COL19A1: variants seen among roughly 807,000 people sequenced by gnomAD.
COL19A1 encodes collagen alpha-1(XIX) chain.
COL19A1 carries 159 observed loss-of-function variants against 190.2 expected under a neutral mutation model. The ratio of observed to expected loss-of-function variants is 0.84; its 90% CI spans 0.73 to 0.95. The LOEUF is 0.95. Among genes scored for constraint, COL19A1 ranks in the 40% least tolerant of loss-of-function variants. The probability of loss-of-function intolerance (pLI) is 0.00; values close to 1 mark genes in which losing one functional copy is unlikely to be tolerated. For missense variants in COL19A1, 1,418 were observed against 1,431.9 expected (o/e 0.99, Z 0.16); for synonymous variants, 509 against 458.9 (o/e 1.11, Z -1.39).
chr6:70,184,394 T>G (rs554536589), intron 44 of COL19A1, among the ~76,000 whole-genome samples: 3 of 152,244 alleles, frequency 2.0e-5, no homozygotes, highest in Admixed American at 6.5e-5. Flanking sequence ...TAGAGGACCA[T>G]GCATTTTTCA....
chr6:70,018,618 A>T (rs1165908600), intron 11 of COL19A1, among the ~76,000 whole-genome samples: 1 of 152,146 alleles, frequency 6.6e-6, no homozygotes, highest in African/African-American at 2.4e-5. Flanking sequence ...ACAAGGTCCG[A>T]GACAATGACT....
chr6:70,026,079 A>G (rs1311391212), intron 12 of COL19A1, among the ~76,000 whole-genome samples: 1 of 152,224 alleles, frequency 6.6e-6, no homozygotes, highest in Non-Finnish European at 1.5e-5. Flanking sequence ...ACAAGTGCAT[A>G]AAAGTAATAT....
At chr6:70,203,653 G>A (rs921569523) in intron 49 of COL19A1, among the ~76,000 whole-genome samples, 3 of 151,522 alleles carry the variant, frequency 2.0e-5, no homozygotes, top group Middle Eastern at 6.8e-3. Flanking sequence ...GTATACAGGC[G>A]CACAGATTTA....
intron 9 of COL19A1, 114 bp downstream of exon 9, chr6:69,938,214 C>A: frequency 1.1e-6 from 1 of 926,876 alleles, no homozygotes; most frequent in South Asian, 1.7e-5. Flanking sequence ...CTATAAAAGG[C>A]TATCAAAGAC....
intron 16 of COL19A1, among the ~76,000 whole-genome samples, chr6:70,106,461 T>G (rs190028945): frequency 6.7e-4 from 102 of 152,254 alleles, no homozygotes; most frequent in South Asian, 1.2e-3. Context: ...TAAACTAACA[T>G]TATTAAATTA....
intron 18 of COL19A1, among the ~76,000 whole-genome samples, chr6:70,131,671 GAA>G (rs59439334): frequency 0.02 from 3,031 of 151,726 alleles, 93 homozygotes; most frequent in African/African-American, 0.069. Context: ...AGGCTAAGGG[GAA>G]AAAAAAGGAA....
chr6:69,873,782 C>T (rs571125861), intron 1 of COL19A1, among the ~76,000 whole-genome samples: 2 of 152,292 alleles, frequency 1.3e-5, no homozygotes, highest in East Asian at 3.9e-4. Flanking sequence ...TTGGGCAACA[C>T]ATTCAAATCA....
chr6:70,096,294 A>G (rs1783271009), intron 15 of COL19A1, among the ~76,000 whole-genome samples: 4 of 150,486 alleles, frequency 2.7e-5, no homozygotes, highest in Non-Finnish European at 5.9e-5. Flanking sequence ...GGGTTTTGCC[A>G]TGGTGCCCAG....
chr6:69,963,299 T>C (rs1202671968), intron 11 of COL19A1, among the ~76,000 whole-genome samples: 1 of 152,288 alleles, frequency 6.6e-6, no homozygotes, highest in South Asian at 2.1e-4. Flanking sequence ...CAGAAAAGAC[T>C]TGGCATACTA....
intron 15 of COL19A1, among the ~76,000 whole-genome samples, chr6:70,096,551 T>C (rs9446195): frequency 0.16 from 24,194 of 152,118 alleles, 2,068 homozygotes; most frequent in Middle Eastern, 0.24. Flanking sequence ...TTTACATCAA[T>C]GAAATCTTAG....
At chr6:70,004,161 G>T (rs562314243) in intron 11 of COL19A1, among the ~76,000 whole-genome samples, 17 of 152,238 alleles carry the variant, frequency 1.1e-4, no homozygotes, top group African/African-American at 3.9e-4. Flanking sequence ...GAAATTCTAG[G>T]TTGAAAATCC....
chr6:70,140,648 C>G (rs1300959902), intron 19 of COL19A1, among the ~76,000 whole-genome samples: 2 of 152,020 alleles, frequency 1.3e-5, no homozygotes, highest in Non-Finnish European at 2.9e-5. Context: ...TGATCGTTTT[C>G]TATGTGGACT....
At chr6:69,963,482 G>C (rs1244585566) in intron 11 of COL19A1, among the ~76,000 whole-genome samples, 1 of 152,156 alleles carries the variant, frequency 6.6e-6, no homozygotes, top group Non-Finnish European at 1.5e-5. Context: ...CAAGGCTGGA[G>C]ACAGGAGCTG....
At position 70,163,414 on chromosome 6, in the gene COL19A1, C is replaced by T; in HGVS notation, c.2400+18C>T. 1 of 1,607,526 alleles carries T rather than the reference C, an allele frequency of 6.2e-7. No homozygotes were observed. Among genetic ancestry groups the T allele is most frequent in the Non-Finnish European group, 8.5e-7 (1 of 1,176,592 alleles). On this transcript the variant is annotated intron_variant, in intron 36 of 50. Transcript: ENST00000620364. ...GTGAAAAGGTACAAAGGAAAAGCCT[C>T]ACTTACCATCCAAACTGGGGCTTGG... is the stretch of plus-strand genomic sequence containing the variant.
rs574286530 is a variant in COL19A1 at position 70,061,514 on chromosome 6, C to T, written c.1171-6909C>T. Among the ~76,000 whole-genome samples, 34 of 151,854 alleles carry T rather than the reference C, an allele frequency of 2.2e-4. No individual in the cohort carries two copies. In the South Asian group the frequency reaches 5.2e-3, roughly 23 times the overall value. ...GTACCATATCTTAGTACTTGAGTCT[C>T]GCATACAAAAGATTATCATAAATAT... On this transcript the variant is annotated intron_variant, in intron 14 of 50. Coordinates refer to ENST00000620364, the MANE Select transcript of COL19A1 (RefSeq NM_001858.6).
intron 5 of COL19A1, 89 bp from the exon 6 acceptor site, chr6:69,929,336 T>TA: frequency 7.9e-7 from 1 of 1,269,026 alleles, no homozygotes; most frequent in Non-Finnish European, 1.1e-6. Flanking sequence ...TCAGTTATAC[T>TA]AATATGCATC....
chr6:69,906,872 C>G (rs978377817), intron 4 of COL19A1, among the ~76,000 whole-genome samples: 2 of 152,044 alleles, frequency 1.3e-5, no homozygotes, highest in Admixed American at 6.6e-5. Context: ...ACATAATAAT[C>G]TTTAGCAAGT....
intron 34 of COL19A1, among the ~76,000 whole-genome samples, chr6:70,159,566 GC>G (rs1236728957): frequency 2.6e-5 from 4 of 152,072 alleles, no homozygotes; most frequent in Non-Finnish European, 5.9e-5. Flanking sequence ...GAATTTTTAA[GC>G]CCTTCTTCAT....
intron 11 of COL19A1, among the ~76,000 whole-genome samples, chr6:70,016,813 A>G (rs1003362363): frequency 6.6e-6 from 1 of 152,130 alleles, no homozygotes; most frequent in African/African-American, 2.4e-5. Context: ...TAAAGCCACA[A>G]TGAAATACTA....
Sources: allele counts gnomAD v4.1 joint callset (sites outside exome capture counted in the v4.1 genomes callset), GRCh38; gene constraint gnomAD v4.1.1; transcripts MANE v1.5; gene names NCBI Gene and HGNC (gene_info 2026-07-23, HGNC 2026-07-21).